Variants in GREB1 observed in about 807,000 individuals in gnomAD.
GREB1 encodes protein GREB1.
Under a neutral mutation model 200.7 loss-of-function variants are expected in GREB1, and 106 were observed. The observed-to-expected ratio is 0.53, with a 90% CI of 0.45 to 0.62. The LOEUF (loss-of-function observed/expected upper bound fraction) is 0.62. Among genes scored for constraint, GREB1 ranks in the 20% least tolerant of loss-of-function variants. GREB1 has a pLI of 0.00. For synonymous variants in GREB1, 1,132 were observed against 1,092.4 expected (o/e 1.04, Z -0.72); for missense variants, 2,243 against 2,556.8 (o/e 0.88, Z 2.65).
chr2:11,524,816 G>A (rs1673818480), intron 1 of GREB1, among the ~76,000 whole-genome samples: 1 of 152,186 alleles, frequency 6.6e-6, no homozygotes, highest in Admixed American at 6.5e-5. Context: ...CAGAGTACCT[G>A]GCTAAAAGCT....
Position 11,562,870 on chromosome 2 carries a change from A to G in GREB1, c.277+288A>G, listed in dbSNP as rs577737043. ...CCAGTGGCTTGGGAGCCAGACATTC[A>G]TTTTTCTGTGTTGGTTGCTTGGAAC... On this transcript the variant is annotated intron_variant, in intron 3 of 32. Coordinates refer to ENST00000381486, the MANE Select transcript of GREB1 (RefSeq NM_014668.4). 1.2e-4 allele frequency: 33 copies of G among 268,262 alleles called. No homozygotes were observed. In the South Asian group the frequency reaches 3.7e-3, roughly 30 times the overall value. The allele number at this position is 268,262 out of a possible 1,614,324, so 16.6% of individuals were successfully genotyped here. A position where few individuals can be genotyped will look rare whatever the true frequency, so the allele number is the denominator to read the frequency against.
At chr2:11,558,035 T>C (rs1009485802) in intron 2 of GREB1, among the ~76,000 whole-genome samples, 1 of 152,196 alleles carries the variant, frequency 6.6e-6, no homozygotes, top group African/African-American at 2.4e-5. Flanking sequence ...AATAGTGATA[T>C]TGATGGTAAT....
At chr2:11,599,378 C>T (rs1413583728) in intron 15 of GREB1, among the ~76,000 whole-genome samples, 1 of 149,062 alleles carries the variant, frequency 6.7e-6, no homozygotes. Flanking sequence ...CTCACTCTGT[C>T]GCCCAGGCTG....
At chr2:11,611,092 C>T (rs1682880770) in intron 18 of GREB1, 65 bp downstream of exon 18, 1 of 1,343,438 alleles carries the variant, frequency 7.4e-7, no homozygotes, top group Admixed American at 2.4e-5. Context: ...AGGGGCCCAC[C>T]AGAGGCAGGG....
At chr2:11,577,684 G>A (rs1361973003) in intron 5 of GREB1, among the ~76,000 whole-genome samples, 1 of 152,344 alleles carries the variant, frequency 6.6e-6, no homozygotes, top group Admixed American at 6.5e-5. Flanking sequence ...GCAGGTCCTG[G>A]GAGTAGAAGG....
chr2:11,587,594 G>A, intron 9 of GREB1: 2 of 1,479,126 alleles, frequency 1.4e-6, no homozygotes, highest in Non-Finnish European at 1.8e-6. Flanking sequence ...CCAGGCACCA[G>A]CTTTACTCCC....
At chr2:11,590,418 T>G (rs1680615285) in intron 10 of GREB1, among the ~76,000 whole-genome samples, 1 of 152,140 alleles carries the variant, frequency 6.6e-6, no homozygotes. Context: ...TCCCACCTGC[T>G]TGCTCTGTCC....
At chr2:11,585,062 A>G (rs1356586154) in intron 7 of GREB1, 99 bp from the exon 8 acceptor site, 2 of 590,580 alleles carry the variant, frequency 3.4e-6, no homozygotes, top group Admixed American at 4.1e-5. Flanking sequence ...AGAAAAAAAA[A>G]AACAAAACAA....
intron 7 of GREB1, among the ~76,000 whole-genome samples, chr2:11,583,873 A>T (rs1313058021): frequency 6.6e-6 from 1 of 151,876 alleles, no homozygotes; most frequent in Non-Finnish European, 1.5e-5. Context: ...AAAAAAAATC[A>T]CCAGGCTGGC....
chr2:11,535,663 G>C (rs1342609770), intron 1 of GREB1, among the ~76,000 whole-genome samples: 1 of 152,172 alleles, frequency 6.6e-6, no homozygotes, highest in African/African-American at 2.4e-5. Flanking sequence ...TTACTTCTAG[G>C]TCTGAGAGTC....
intron 1 of GREB1, among the ~76,000 whole-genome samples, chr2:11,522,486 G>T (rs1673735833): frequency 6.6e-6 from 1 of 152,086 alleles, no homozygotes; most frequent in South Asian, 2.1e-4. Flanking sequence ...CTGAATACTG[G>T]TTTTTGTGCT....
At chr2:11,637,086 A>G (rs1022609867) in intron 30 of GREB1, among the ~76,000 whole-genome samples, 9 of 137,108 alleles carry the variant, frequency 6.6e-5, no homozygotes, top group Non-Finnish European at 1.5e-4. Flanking sequence ...GCAGGGGCAG[A>G]GGCAGGGGCA....
Position 11,631,823 on chromosome 2 carries a change from C to T in GREB1, c.4612-86C>T, listed in dbSNP as rs142119071. The T allele has an allele frequency of 1.3e-4, 128 of 1,020,790 alleles. 1 individual carries two copies. The highest frequency in any genetic ancestry group is 6.9e-4 in the South Asian group (51 of 74,258). 63.2% of individuals were successfully genotyped at this position (1,020,790 alleles called of 1,614,324 possible). Reference sequence around the variant, plus strand: ...TGTAGGCATGGTCATCATTCTTTGACGGAAAATACTGCAAAGTCACATGTC... The same window carrying T: ...TGTAGGCATGGTCATCATTCTTTGATGGAAAATACTGCAAAGTCACATGTC... On this transcript the variant is annotated intron_variant, in intron 26 of 32. Transcript: ENST00000381486.
At chr2:11,560,010 A>G (rs1676836764) in intron 2 of GREB1, among the ~76,000 whole-genome samples, 1 of 152,094 alleles carries the variant, frequency 6.6e-6, no homozygotes, top group African/African-American at 2.4e-5. Context: ...AGCCCGTTTG[A>G]AATGGTCGCC....
At chr2:11,507,879 T>A (rs1340170993) in intron 1 of GREB1, among the ~76,000 whole-genome samples, 1 of 152,234 alleles carries the variant, frequency 6.6e-6, no homozygotes, top group Admixed American at 6.5e-5. Flanking sequence ...GAAAGCTGCC[T>A]TTTCCTGAGT....
intron 4 of GREB1, among the ~76,000 whole-genome samples, chr2:11,574,371 G>T (rs1479162248): frequency 2.0e-5 from 3 of 152,208 alleles, no homozygotes; most frequent in Admixed American, 1.3e-4. Context: ...GGAAGAAAGT[G>T]CCAGCCAGCC....
intron 4 of GREB1, among the ~76,000 whole-genome samples, chr2:11,576,142 A>G (rs1167806617): frequency 6.6e-6 from 1 of 152,090 alleles, no homozygotes. Context: ...CGTCTCTACT[A>G]AAAAATACAA....
chr2:11,555,234 T>G (rs1418839798), intron 1 of GREB1, among the ~76,000 whole-genome samples: 1 of 151,998 alleles, frequency 6.6e-6, no homozygotes, highest in African/African-American at 2.4e-5. Context: ...AGAAAATAAA[T>G]GGAAAACATT....
rs536815852 is a variant in GREB1, at chr2:11,486,416, A to G, written c.-159+4035A>G. On this transcript the variant is annotated intron_variant, in intron 1 of 2. Transcript: ENST00000628795. ...AGTAATCCTCCTGTCTCACTCTCCT[A>G]GAGCACTGGGATTATAGGCAACCTC... Among the ~76,000 whole-genome samples, 8 of 152,288 alleles carry G rather than the reference A, an allele frequency of 5.3e-5. No homozygotes were observed. In the South Asian group the frequency reaches 1.5e-3, roughly 28 times the overall value.
Sources: allele counts gnomAD v4.1 joint callset (sites outside exome capture counted in the v4.1 genomes callset), GRCh38; gene constraint gnomAD v4.1.1; transcripts MANE v1.5; gene names NCBI Gene and HGNC (gene_info 2026-07-23, HGNC 2026-07-21).